Variants in TMEM132D observed in about 807,000 individuals in gnomAD.
TMEM132D encodes transmembrane protein 132D, also known as mature OL transmembrane protein.
TMEM132D carries 21 observed loss-of-function variants against 62.3 expected under a neutral mutation model. The observed-to-expected ratio is 0.34, with a 90% confidence interval of 0.24 to 0.49. The LOEUF (loss-of-function observed/expected upper bound fraction) is 0.49. TMEM132D is among the 20% of genes least tolerant of loss of function. TMEM132D has a pLI of 0.99. For synonymous variants in TMEM132D, 621 were observed against 575.6 expected, an observed-to-expected ratio of 1.08 and a Z score of -1.13; for missense variants, 1,346 against 1,402.8, an observed-to-expected ratio of 0.96 and a Z score of 0.65.
chr12:129,560,764 A>G (rs1336088171), intron 2 of TMEM132D, among the ~76,000 whole-genome samples: 1 of 152,206 alleles, frequency 6.6e-6, no homozygotes, highest in East Asian at 1.9e-4. Context: ...GGTGGGTGAC[A>G]ACCTTCTTCA....
At chr12:129,576,667 C>T (rs1877669739) in intron 2 of TMEM132D, among the ~76,000 whole-genome samples, 1 of 151,712 alleles carries the variant, frequency 6.6e-6, no homozygotes. Context: ...GGGGTGCCAA[C>T]CCAAACTCCC....
At chr12:129,610,767 T>C (rs1878754852) in intron 2 of TMEM132D, among the ~76,000 whole-genome samples, 1 of 152,012 alleles carries the variant, frequency 6.6e-6, no homozygotes, top group Non-Finnish European at 1.5e-5. Context: ...AGAAGGCTGC[T>C]CTCTTCTTCC....
intron 8 of TMEM132D, among the ~76,000 whole-genome samples, chr12:129,076,146 G>GGAAGATGTGTA: frequency 6.6e-6 from 1 of 152,256 alleles, no homozygotes; most frequent in South Asian, 2.1e-4. Flanking sequence ...GTTATGCTTG[G>GGAAGATGTGTA]GAAGATGTGT....
intron 5 of TMEM132D, among the ~76,000 whole-genome samples, chr12:129,177,290 T>C (rs1440566358): frequency 6.6e-6 from 1 of 152,186 alleles, no homozygotes; most frequent in African/African-American, 2.4e-5. Flanking sequence ...CTATGGGCTA[T>C]GTCGTCAATA....
intron 1 of TMEM132D, chr12:129,853,260 G>A (rs1246184185): frequency 6.6e-6 from 1 of 152,234 alleles, no homozygotes; most frequent in Non-Finnish European, 1.5e-5. Context: ...AGAAATCGAT[G>A]ATGTTTCTAG....
At chr12:129,297,614 G>C (rs149006236) in intron 4 of TMEM132D, among the ~76,000 whole-genome samples, 3 of 152,256 alleles carry the variant, frequency 2.0e-5, no homozygotes, top group Admixed American at 2.0e-4. Context: ...GAATCTGATC[G>C]GGTCAGCTGC....
intron 2 of TMEM132D, among the ~76,000 whole-genome samples, chr12:129,562,396 T>C (rs1419184822): frequency 6.6e-6 from 1 of 152,184 alleles, no homozygotes; most frequent in Non-Finnish European, 1.5e-5. Flanking sequence ...CATTTTTCCT[T>C]CACATCAGGT....
intron 5 of TMEM132D, chr12:129,170,339 T>C (rs1388696091): frequency 6.6e-6 from 1 of 152,208 alleles, no homozygotes; most frequent in Non-Finnish European, 1.5e-5. Flanking sequence ...AAAATATTTG[T>C]TGATACAGGC....
chr12:129,762,941 C>T (rs1870433284), intron 1 of TMEM132D, among the ~76,000 whole-genome samples: 1 of 152,192 alleles, frequency 6.6e-6, no homozygotes, highest in African/African-American at 2.4e-5. Flanking sequence ...CAAAAAGAAA[C>T]ATGCTATGCA....
chr12:129,883,017 C>G (rs1480922130), intron 1 of TMEM132D, among the ~76,000 whole-genome samples: 1 of 152,050 alleles, frequency 6.6e-6, no homozygotes, highest in Non-Finnish European at 1.5e-5. Context: ...GTTCTGGGGA[C>G]CCTGGCCAGT....
intron 2 of TMEM132D, among the ~76,000 whole-genome samples, chr12:129,689,067 T>G (rs1253905623): frequency 6.6e-6 from 1 of 152,156 alleles, no homozygotes; most frequent in East Asian, 1.9e-4. Flanking sequence ...CGTCCTACAA[T>G]GCACAGACTA....
chr12:129,854,725 G>A (rs562826409), intron 1 of TMEM132D: 1 of 152,312 alleles, frequency 6.6e-6, no homozygotes, highest in Admixed American at 6.5e-5. Flanking sequence ...GATGAGGTAG[G>A]TGTTGTGCTA....
intron 1 of TMEM132D, among the ~76,000 whole-genome samples, chr12:129,838,261 G>A (rs1873068239): frequency 6.6e-6 from 1 of 152,152 alleles, no homozygotes; most frequent in African/African-American, 2.4e-5. Flanking sequence ...TATGACCAAG[G>A]AAAAAGGACT....
At chr12:129,129,480 A>T (rs1876308540) in intron 5 of TMEM132D, among the ~76,000 whole-genome samples, 1 of 152,088 alleles carries the variant, frequency 6.6e-6, no homozygotes, top group South Asian at 2.1e-4. Flanking sequence ...TGGTGGAATG[A>T]TTTGTTTTCC....
intron 1 of TMEM132D, among the ~76,000 whole-genome samples, chr12:129,842,097 A>ATTGTTTTTTT (rs1566005017): frequency 2.1e-5 from 2 of 97,446 alleles, no homozygotes; most frequent in Non-Finnish European, 3.9e-5. Context: ...CGCCCGGCTA[A>ATTGTTTTTTT]TTTTTTTTTT....
chr12:129,674,547 G>C (rs942162207), intron 2 of TMEM132D, among the ~76,000 whole-genome samples: 3 of 152,028 alleles, frequency 2.0e-5, no homozygotes, highest in Non-Finnish European at 4.4e-5. Context: ...TTTTCTGTTT[G>C]TTTGTTTTTG....
In TMEM132D at chr12:129,423,990, A is replaced by T. The variant is rs1320961577; in HGVS notation, c.1116-86173T>A. Among the ~76,000 whole-genome samples the T allele has an allele frequency of 4.6e-5, 7 of 152,202 alleles. No individual in the cohort carries two copies. In the East Asian group the frequency reaches 1.3e-3, roughly 29 times the overall value. On this transcript the variant is annotated intron_variant, in intron 3 of 8. Transcript: ENST00000422113. ...AAATATTTGACATTTTTAGAAAATG[A>T]CATAAAAATTTTCCAGCCTTTTGTT...
At chr12:129,311,339 G>T (rs1881972740) in intron 4 of TMEM132D, among the ~76,000 whole-genome samples, 1 of 149,568 alleles carries the variant, frequency 6.7e-6, no homozygotes, top group Non-Finnish European at 1.5e-5. Flanking sequence ...CTTTAGCAAA[G>T]AACTGAAAAT....
At chr12:129,097,207 G>C (rs747383889) in intron 5 of TMEM132D, among the ~76,000 whole-genome samples, 4 of 152,220 alleles carry the variant, frequency 2.6e-5, no homozygotes, top group Non-Finnish European at 5.9e-5. Flanking sequence ...GATGCCAGTA[G>C]CATCCCTCTC....
Sources: allele counts gnomAD v4.1 joint callset (sites outside exome capture counted in the v4.1 genomes callset), GRCh38; gene constraint gnomAD v4.1.1; transcripts MANE v1.5; gene names NCBI Gene and HGNC (gene_info 2026-07-23, HGNC 2026-07-21).